The following GYPC variants were observed in gnomAD, a reference collection of about 807,000 sequenced individuals.
The protein encoded by GYPC is glycophorin-C.
Under a neutral mutation model 12.6 loss-of-function variants are expected in GYPC, and 14 were observed. That is an observed-to-expected ratio of 1.11 (90% CI 0.74 to 1.74). The LOEUF (loss-of-function observed/expected upper bound fraction) is 1.74. Ranked by LOEUF, GYPC falls within the 40% of genes most tolerant of loss-of-function variation. The pLI, the probability that GYPC is intolerant of heterozygous loss-of-function variation, is 0.00. For synonymous variants in GYPC, 78 were observed against 62.1 expected (o/e 1.26, Z -1.20); for missense variants, 225 against 172.1 (o/e 1.31, Z -1.72).
intron 1 of GYPC, among the ~76,000 whole-genome samples, chr2:126,673,808 TCA>T (rs1056698283): frequency 3.2e-4 from 48 of 151,896 alleles, no homozygotes; most frequent in Non-Finnish European, 6.5e-4. Context: ...GCACACACAC[TCA>T]CACACACACA....
intron 2 of GYPC, 125 bp downstream of exon 2, chr2:126,690,436 A>T (rs969929527): frequency 1.6e-5 from 12 of 772,336 alleles, no homozygotes; most frequent in Non-Finnish European, 2.8e-5. Context: ...GGGAGAACTG[A>T]CCTAAGGACT....
intron 1 of GYPC, among the ~76,000 whole-genome samples, chr2:126,659,613 G>A (rs532234825): frequency 2.0e-5 from 3 of 152,236 alleles, no homozygotes; most frequent in African/African-American, 7.2e-5. Context: ...GAGCAAACCT[G>A]GCCTGAGGAT....
chr2:126,665,457 G>GA (rs1682651474), intron 1 of GYPC, among the ~76,000 whole-genome samples: 1 of 152,222 alleles, frequency 6.6e-6, no homozygotes, highest in Non-Finnish European at 1.5e-5. Context: ...GGGGGTCTTG[G>GA]AAAGCATCCC....
At chr2:126,671,343 GCGAGGCAGGCTTCCCTGAGCC>G (rs1682849461) in intron 1 of GYPC, among the ~76,000 whole-genome samples, 1 of 152,224 alleles carries the variant, frequency 6.6e-6, no homozygotes, top group Admixed American at 6.5e-5. Flanking sequence ...GTGCAAGCAT[GCGAGGCAGGCTTCCCTGAGCC>G]CGACAGCCAG....
At chr2:126,665,242 A>G (rs1301475506) in intron 1 of GYPC, among the ~76,000 whole-genome samples, 1 of 150,092 alleles carries the variant, frequency 6.7e-6, no homozygotes, top group African/African-American at 2.5e-5. Flanking sequence ...AAGGTACAGT[A>G]CAGTAAGATA....
At chr2:126,657,569 G>C (rs190794921) in intron 1 of GYPC, 1 of 152,214 alleles carries the variant, frequency 6.6e-6, no homozygotes, top group African/African-American at 2.4e-5. Context: ...CCCGGAGCAC[G>C]TAACTTGAGC....
chr2:126,694,311 C>A (rs1005522406), intron 3 of GYPC, among the ~76,000 whole-genome samples: 28 of 152,126 alleles, frequency 1.8e-4, no homozygotes, highest in African/African-American at 6.3e-4. Flanking sequence ...ACATTATTTT[C>A]TGCCCTGGGT....
At chr2:126,686,827 G>A (rs945769429) in intron 1 of GYPC, among the ~76,000 whole-genome samples, 1 of 152,024 alleles carries the variant, frequency 6.6e-6, no homozygotes, top group Non-Finnish European at 1.5e-5. Context: ...ACCTTATTCT[G>A]CCATGAACCC....
At chr2:126,691,769 A>C (rs1683473056) in intron 2 of GYPC, among the ~76,000 whole-genome samples, 1 of 152,146 alleles carries the variant, frequency 6.6e-6, no homozygotes, top group Non-Finnish European at 1.5e-5. Flanking sequence ...AGCGATTGTT[A>C]GTTGTTTTAA....
chr2:126,678,983 A>G (rs1683087456), intron 1 of GYPC: 1 of 152,160 alleles, frequency 6.6e-6, no homozygotes, highest in Non-Finnish European at 1.5e-5. Context: ...CCTTCTGGAA[A>G]CCCAATAACA....
chr2:126,681,107 C>T (rs1683139037), intron 1 of GYPC, among the ~76,000 whole-genome samples: 1 of 152,194 alleles, frequency 6.6e-6, no homozygotes, highest in Admixed American at 6.5e-5. Context: ...ATACAGACAG[C>T]CATATGTTAG....
chr2:126,665,305 C>T (rs1249149246), intron 1 of GYPC, among the ~76,000 whole-genome samples: 1 of 152,132 alleles, frequency 6.6e-6, no homozygotes, highest in South Asian at 2.1e-4. Flanking sequence ...TACGTTGTTA[C>T]AATTGTTTTA....
In GYPC at chr2:126,690,274, C is replaced by T. The variant is rs745454692; in HGVS notation, c.69C>T (p.Ala23=). The change falls in exon 2 of 4, where the codon GCC becomes GCT. Residue 23 remains alanine, a synonymous_variant. Transcript: ENST00000259254. ...TCACAGAGCCTGATCCGGGGATGGC[C>T]TCTGCCTCCACCACAATGCATACTA... The part of the protein sequence containing the change: ...PLSLEPDPGM[A]SASTTMHTTT... 6.2e-7 allele frequency: 1 copy of T among 1,613,100 alleles called. No individual in the cohort carries two copies. The highest frequency in any genetic ancestry group is 1.7e-5 in the Admixed American group (1 of 60,026).
At chr2:126,674,816 G>C (rs1682950845) in intron 1 of GYPC, among the ~76,000 whole-genome samples, 1 of 152,188 alleles carries the variant, frequency 6.6e-6, no homozygotes, top group Non-Finnish European at 1.5e-5. Context: ...CACCCTGTTT[G>C]AGACAGCACA....
chr2:126,659,434 C>T (rs1682467924), intron 1 of GYPC, among the ~76,000 whole-genome samples: 2 of 152,168 alleles, frequency 1.3e-5, no homozygotes, highest in Admixed American at 1.3e-4. Context: ...CAATGTTCAC[C>T]AGCTTTGGGA....
intron 1 of GYPC, among the ~76,000 whole-genome samples, chr2:126,678,093 G>A (rs558906790): frequency 1.9e-4 from 29 of 152,140 alleles, no homozygotes; most frequent in African/African-American, 6.5e-4. Context: ...CTGGTGGCAC[G>A]CACCTGTAAT....
At chr2:126,690,826 C>T (rs1010016923) in intron 2 of GYPC, among the ~76,000 whole-genome samples, 3 of 152,168 alleles carry the variant, frequency 2.0e-5, no homozygotes, top group Non-Finnish European at 2.9e-5. Flanking sequence ...TGGGTCATGG[C>T]TGTGACTGCA....
chr2:126,694,400 C>G (rs1177843723), intron 3 of GYPC, among the ~76,000 whole-genome samples: 6 of 152,124 alleles, frequency 3.9e-5, no homozygotes, highest in Non-Finnish European at 5.9e-5. Context: ...AAGGGGCTCC[C>G]CATGGGTCAT....
At chr2:126,686,835 C>A (rs1431661262) in intron 1 of GYPC, among the ~76,000 whole-genome samples, 1 of 152,080 alleles carries the variant, frequency 6.6e-6, no homozygotes, top group African/African-American at 2.4e-5. Flanking sequence ...CTGCCATGAA[C>A]CCACCCCCAA....
Sources: allele counts gnomAD v4.1 joint callset (sites outside exome capture counted in the v4.1 genomes callset), GRCh38; gene constraint gnomAD v4.1.1; transcripts MANE v1.5; gene names NCBI Gene and HGNC (gene_info 2026-07-23, HGNC 2026-07-21).